The following BTRC variants were observed in gnomAD, a reference collection of about 807,000 sequenced individuals.
BTRC encodes F-box/WD repeat-containing protein 1A.
Under a neutral mutation model 85.5 loss-of-function variants are expected in BTRC, and 42 were observed. The observed-to-expected ratio is 0.49, with a 90% confidence interval of 0.38 to 0.64. The LOEUF (loss-of-function observed/expected upper bound fraction) is 0.64, where lower values mean the gene tolerates loss of function less well. BTRC is among the 30% of genes least tolerant of loss of function. The pLI, the probability that BTRC is intolerant of heterozygous loss-of-function variation, is 0.00. For missense variants in BTRC, 594 were observed against 743.5 expected (o/e 0.80, Z 2.34); for synonymous variants, 255 against 263.3 (o/e 0.97, Z 0.30).
In BTRC at chr10:101,358,725, G is replaced by C. The variant is rs74455103; in HGVS notation, c.48+4497G>C. Among the ~76,000 whole-genome samples the C allele has an allele frequency of 1.4e-3, 214 of 152,218 alleles. 1 individual carries two copies. The highest frequency in any genetic ancestry group is 5.1e-3 in the African/African-American group (210 of 41,540). Reference sequence around the variant, plus strand: ...GGCTGCTTGGATTTCCTTAAAGTGTGGTGGCAAGGTTCTAAGAAGGGACAT... The same window carrying C: ...GGCTGCTTGGATTTCCTTAAAGTGTCGTGGCAAGGTTCTAAGAAGGGACAT... On this transcript the variant is annotated intron_variant, in intron 1 of 14. Coordinates refer to ENST00000370187, the MANE Select transcript of BTRC (RefSeq NM_033637.4).
At chr10:101,414,422 T>C (rs1009950929) in intron 1 of BTRC, among the ~76,000 whole-genome samples, 2 of 152,180 alleles carry the variant, frequency 1.3e-5, no homozygotes, top group Admixed American at 6.5e-5. Context: ...CATAAAAAAG[T>C]GTAGTACATA....
chr10:101,548,881 C>T (rs950132975), intron 13 of BTRC, among the ~76,000 whole-genome samples: 1 of 151,240 alleles, frequency 6.6e-6, no homozygotes. Context: ...GGTGAAACCC[C>T]GTCTCTACTA....
intron 13 of BTRC, among the ~76,000 whole-genome samples, chr10:101,548,429 T>C (rs1454451060): frequency 1.3e-5 from 2 of 152,180 alleles, no homozygotes; most frequent in African/African-American, 4.8e-5. Context: ...TGCAGCAACA[T>C]AGAAGAATCT....
intron 3 of BTRC, among the ~76,000 whole-genome samples, chr10:101,476,560 C>G (rs1433369304): frequency 1.3e-5 from 2 of 151,934 alleles, no homozygotes; most frequent in Non-Finnish European, 2.9e-5. Context: ...CAGTCTTCAA[C>G]TCCAGGGCTC....
intron 4 of BTRC, among the ~76,000 whole-genome samples, chr10:101,513,795 A>C (rs1219768520): frequency 5.9e-5 from 9 of 152,232 alleles, no homozygotes; most frequent in Non-Finnish European, 1.5e-5. Context: ...AAGTACCTAA[A>C]GTGGAATTGC....
intron 4 of BTRC, among the ~76,000 whole-genome samples, chr10:101,505,627 TAAAAAA>T (rs201503713): frequency 8.7e-6 from 1 of 115,320 alleles, no homozygotes; most frequent in Non-Finnish European, 2.0e-5. Flanking sequence ...CTCAAAAAAA[TAAAAAA>T]AAAAAAATAA....
At chr10:101,367,307 A>T (rs1942495197) in intron 1 of BTRC, among the ~76,000 whole-genome samples, 2 of 151,142 alleles carry the variant, frequency 1.3e-5, no homozygotes, top group African/African-American at 4.9e-5. Context: ...TGACCTTGTG[A>T]TCTGCCTGCC....
chr10:101,541,793 G>A (rs1304535122), intron 13 of BTRC, among the ~76,000 whole-genome samples: 2 of 152,018 alleles, frequency 1.3e-5, no homozygotes, highest in African/African-American at 2.4e-5. Flanking sequence ...TGTTCATGAG[G>A]TATAATTCTT....
At chr10:101,507,197 C>G (rs1004308298) in intron 4 of BTRC, among the ~76,000 whole-genome samples, 8 of 152,010 alleles carry the variant, frequency 5.3e-5, no homozygotes, top group Non-Finnish European at 1.0e-4. Context: ...TTTAACAGTA[C>G]GTAGAAAGTT....
intron 13 of BTRC, among the ~76,000 whole-genome samples, chr10:101,540,395 G>A (rs1430139808): frequency 6.6e-6 from 1 of 152,126 alleles, no homozygotes; most frequent in Non-Finnish European, 1.5e-5. Context: ...CTTTCGAAAT[G>A]CTTTTGCAGC....
intron 13 of BTRC, among the ~76,000 whole-genome samples, chr10:101,543,456 T>G (rs1435243273): frequency 6.6e-6 from 1 of 151,610 alleles, no homozygotes; most frequent in Non-Finnish European, 1.5e-5. Context: ...TGGGCCATGT[T>G]TTTTTTTGTT....
rs770557078 is a variant in BTRC at position 101,526,050 on chromosome 10, A to G, written c.594A>G (p.Ser198=). ...ATCATATTGCTGAGAACATTCTGTC[A>G]TACCTGGATGCCAAATCACTATGTG... ...GLDHIAENIL[S]YLDAKSLCAA... The change falls in exon 6 of 15, where the codon TCA becomes TCG. Residue 198 remains serine, a synonymous_variant. Transcript: ENST00000370187. 8 of 1,614,070 alleles carry G rather than the reference A, an allele frequency of 5.0e-6. No individual in the cohort carries two copies. The African/African-American group carries it at 6.7e-5, about 13-fold the overall frequency.
chr10:101,437,830 C>T (rs565261406), intron 2 of BTRC, among the ~76,000 whole-genome samples: 1 of 152,242 alleles, frequency 6.6e-6, no homozygotes, highest in Admixed American at 6.5e-5. Context: ...TTGCATATAC[C>T]GTTCTGCTTA....
At chr10:101,530,921 C>A (rs767210965) in intron 6 of BTRC, among the ~76,000 whole-genome samples, 1 of 152,324 alleles carries the variant, frequency 6.6e-6, no homozygotes, top group Non-Finnish European at 1.5e-5. Flanking sequence ...CGCCTGTAAT[C>A]CCAGCACTTT....
chr10:101,470,466 G>T (rs1228284655), intron 3 of BTRC, among the ~76,000 whole-genome samples: 2 of 151,722 alleles, frequency 1.3e-5, no homozygotes, highest in Non-Finnish European at 2.9e-5. Context: ...CTGAGTAGAT[G>T]GGATTACAGG....
At chr10:101,477,710 C>T (rs1055079191) in intron 3 of BTRC, among the ~76,000 whole-genome samples, 4 of 151,994 alleles carry the variant, frequency 2.6e-5, no homozygotes, top group Non-Finnish European at 5.9e-5. Flanking sequence ...AGTGCAGTGG[C>T]GTGATCTCAG....
intron 12 of BTRC, among the ~76,000 whole-genome samples, chr10:101,537,113 A>G (rs1235880557): frequency 2.0e-5 from 3 of 152,166 alleles, no homozygotes; most frequent in Non-Finnish European, 2.9e-5. Flanking sequence ...ATCACTTGTC[A>G]TCCTAGCATT....
chr10:101,377,947 C>G (rs1266608685), intron 1 of BTRC, among the ~76,000 whole-genome samples: 6 of 151,526 alleles, frequency 4.0e-5, no homozygotes, highest in East Asian at 3.9e-4. Context: ...GATAGGATGA[C>G]CAAAATTTTT....
intron 1 of BTRC, among the ~76,000 whole-genome samples, chr10:101,419,509 G>A (rs1395326041): frequency 6.6e-6 from 1 of 152,138 alleles, no homozygotes; most frequent in Non-Finnish European, 1.5e-5. Context: ...AGGGCTGTTG[G>A]ACTGAGCCTC....
Sources: allele counts gnomAD v4.1 joint callset (sites outside exome capture counted in the v4.1 genomes callset), GRCh38; gene constraint gnomAD v4.1.1; transcripts MANE v1.5; gene names NCBI Gene and HGNC (gene_info 2026-07-23, HGNC 2026-07-21).